The following ABCD2 variants were observed in gnomAD, a reference collection of about 807,000 sequenced individuals.
The protein encoded by ABCD2 is ATP-binding cassette sub-family D member 2.
In ABCD2, 36 loss-of-function variants were observed where a neutral mutation model predicts 70.9. The ratio of observed to expected loss-of-function variants is 0.51; its 90% CI spans 0.39 to 0.67. The LOEUF (loss-of-function observed/expected upper bound fraction) is 0.67. ABCD2 is among the 30% of genes least tolerant of loss of function. The probability of loss-of-function intolerance (pLI) is 0.00; values close to 1 mark genes in which losing one functional copy is unlikely to be tolerated. For missense variants in ABCD2, 729 were observed against 890.2 expected (o/e 0.82, Z 2.30); for synonymous variants, 304 against 306.9 (o/e 0.99, Z 0.10).
rs761484030 is a variant in ABCD2 at position 39,607,585 on chromosome 12, A to T, written c.1236+14T>A. The T allele has an allele frequency of 3.2e-6, 5 of 1,540,082 alleles. No individual in the cohort carries two copies. The highest frequency in any genetic ancestry group is 1.7e-4 in the Middle Eastern group (1 of 5,874). ...TTTTATTTTAATTGAATTGACAATA[A>T]GAAATGCAAGTACCTCTTTGTATGA... On this transcript the variant is annotated intron_variant, in intron 3 of 9. Transcript: ENST00000308666.
chr12:39,583,235 A>T (rs189092463), intron 7 of ABCD2, among the ~76,000 whole-genome samples: 4 of 152,148 alleles, frequency 2.6e-5, no homozygotes, highest in African/African-American at 9.7e-5. Context: ...TTCACAAAAA[A>T]CTTATAAGGT....
At chr12:39,579,988 G>A (rs1362536913) in intron 7 of ABCD2, among the ~76,000 whole-genome samples, 1 of 152,098 alleles carries the variant, frequency 6.6e-6, no homozygotes, top group East Asian at 1.9e-4. Flanking sequence ...AGTCTACAAA[G>A]GGTAAGAAAG....
intron 8 of ABCD2, among the ~76,000 whole-genome samples, chr12:39,576,005 A>G (rs1941510968): frequency 6.6e-6 from 1 of 152,236 alleles, no homozygotes; most frequent in South Asian, 2.1e-4. Context: ...ACACTGATAC[A>G]GTGACAAATT....
chr12:39,582,826 A>G (rs1388325841), intron 7 of ABCD2, among the ~76,000 whole-genome samples: 5 of 152,164 alleles, frequency 3.3e-5, no homozygotes, highest in African/African-American at 4.8e-5. Context: ...TACAGTATCA[A>G]TATTACAACT....
chr12:39,558,779 C>G (rs1259057453), intron 9 of ABCD2, among the ~76,000 whole-genome samples: 1 of 151,990 alleles, frequency 6.6e-6, no homozygotes, highest in Non-Finnish European at 1.5e-5. Flanking sequence ...TCAGGCAGTT[C>G]TTTATAGCAG....
rs957290108 is a variant in ABCD2 at position 39,553,760 on chromosome 12, T to A, written c.*152A>T. The A allele has an allele frequency of 2.6e-5, 16 of 615,104 alleles. No individual in the cohort carries two copies. The African/African-American group carries it at 2.8e-4, about 11-fold the overall frequency. The allele number at this position is 615,104 out of a possible 1,614,324, so 38.1% of individuals were successfully genotyped here. On this transcript the variant is annotated 3_prime_UTR_variant, in exon 10 of 10. Coordinates refer to ENST00000308666, the MANE Select transcript of ABCD2 (RefSeq NM_005164.4). ...CATTTGTTTATTTTCTTCTGAAAAGTCAGATCATATACTTCCTTAATGCTA... is the reference window on the plus strand; with the variant it reads ...CATTTGTTTATTTTCTTCTGAAAAGACAGATCATATACTTCCTTAATGCTA...
intron 3 of ABCD2, among the ~76,000 whole-genome samples, chr12:39,607,195 A>G (rs552640640): frequency 6.6e-6 from 1 of 152,262 alleles, no homozygotes; most frequent in South Asian, 2.1e-4. Flanking sequence ...ACTCACAACA[A>G]CCCCACAAGT....
chr12:39,612,628 T>A (rs2120770128), intron 2 of ABCD2, among the ~76,000 whole-genome samples: 1 of 152,352 alleles, frequency 6.6e-6, no homozygotes, highest in Non-Finnish European at 1.5e-5. Context: ...ACAATTGTAG[T>A]CACTTTTATG....
At chr12:39,575,246 C>G (rs895826075) in intron 8 of ABCD2, among the ~76,000 whole-genome samples, 1 of 152,008 alleles carries the variant, frequency 6.6e-6, no homozygotes, top group Non-Finnish European at 1.5e-5. Flanking sequence ...AGAAAATATA[C>G]CATTTTAGAA....
chr12:39,590,062 G>A (rs1296392893), intron 6 of ABCD2, among the ~76,000 whole-genome samples: 5 of 152,094 alleles, frequency 3.3e-5, no homozygotes, highest in South Asian at 2.1e-4. Flanking sequence ...ACAAGGAAAC[G>A]GAGGACCCTA....
chr12:39,584,726 T>C (rs1200224933), intron 7 of ABCD2, among the ~76,000 whole-genome samples: 1 of 152,236 alleles, frequency 6.6e-6, no homozygotes, highest in African/African-American at 2.4e-5. Flanking sequence ...AGCTTCAGTC[T>C]TCTGCATATG....
At chr12:39,613,465 A>G (rs1489970370) in intron 2 of ABCD2, among the ~76,000 whole-genome samples, 1 of 151,146 alleles carries the variant, frequency 6.6e-6, no homozygotes, top group African/African-American at 2.4e-5. Context: ...ACATAATTTC[A>G]GTCATTCTCT....
At chr12:39,612,110 C>A (rs1942052922) in intron 2 of ABCD2, among the ~76,000 whole-genome samples, 1 of 152,100 alleles carries the variant, frequency 6.6e-6, no homozygotes, top group Non-Finnish European at 1.5e-5. Context: ...AAATAGAACC[C>A]TTACACATTG....
At chr12:39,592,120 A>G (rs989614952) in intron 6 of ABCD2, among the ~76,000 whole-genome samples, 4 of 152,208 alleles carry the variant, frequency 2.6e-5, no homozygotes, top group African/African-American at 7.2e-5. Flanking sequence ...TACAACTTCT[A>G]TTTCTGTCAA....
At chr12:39,587,709 C>T (rs1396576427) in intron 6 of ABCD2, among the ~76,000 whole-genome samples, 1 of 152,088 alleles carries the variant, frequency 6.6e-6, no homozygotes, top group Non-Finnish European at 1.5e-5. Flanking sequence ...AAAGTTTTTA[C>T]TTTTGGAATC....
the ABCD2 span, among the ~76,000 whole-genome samples, chr12:39,540,451 G>A: frequency 1.3e-4 from 20 of 152,168 alleles, no homozygotes; most frequent in African/African-American, 3.1e-4. Context: ...CCCAAAACAT[G>A]TTTCTTTGCC....
At chr12:39,573,593 G>A in intron 9 of ABCD2, 123 bp downstream of exon 9, 1 of 1,063,674 alleles carries the variant, frequency 9.4e-7, no homozygotes, top group Non-Finnish European at 1.3e-6. Context: ...TGCAACTTAA[G>A]AGAAATATGG....
chr12:39,569,097 C>A (rs1250895116), intron 9 of ABCD2, among the ~76,000 whole-genome samples: 1 of 152,236 alleles, frequency 6.6e-6, no homozygotes, highest in African/African-American at 2.4e-5. Context: ...AGGAGGCAGT[C>A]TGTCCGTTCT....
intron 2 of ABCD2, among the ~76,000 whole-genome samples, chr12:39,615,633 C>T (rs1942105449): frequency 6.6e-6 from 1 of 151,902 alleles, no homozygotes; most frequent in Admixed American, 6.6e-5. Flanking sequence ...ATATGCATAA[C>T]ACTTGCCACA....
Sources: gnomAD v4.1 joint callset for allele counts (sites outside exome capture counted in the v4.1 genomes callset) on GRCh38, gnomAD v4.1.1 for gene constraint, MANE v1.5 for transcripts, NCBI Gene and HGNC (gene_info 2026-07-23, HGNC 2026-07-21) for gene names.